Variants in EXOC4 observed in about 807,000 individuals in gnomAD.
The protein encoded by EXOC4 is SEC8-like 1.
In EXOC4, 71 loss-of-function variants were observed where a neutral mutation model predicts 107.2. The ratio of observed to expected loss-of-function variants is 0.66; its 90% CI spans 0.55 to 0.81. The LOEUF (loss-of-function observed/expected upper bound fraction) is 0.81. EXOC4 is among the 30% of genes least tolerant of loss of function. The pLI, the probability that EXOC4 is intolerant of heterozygous loss-of-function variation, is 0.00. For synonymous variants in EXOC4, 456 were observed against 441.2 expected (o/e 1.03, Z -0.42); for missense variants, 1,108 against 1,189.6 (o/e 0.93, Z 1.01).
chr7:134,038,175 A>G (rs1241733614), intron 17 of EXOC4, among the ~76,000 whole-genome samples: 1 of 152,228 alleles, frequency 6.6e-6, no homozygotes, highest in Non-Finnish European at 1.5e-5. Context: ...TATCTGGCAG[A>G]TGGGAACTGT....
chr7:133,949,881 A>ATT (rs11377103), intron 14 of EXOC4, among the ~76,000 whole-genome samples: 20 of 151,626 alleles, frequency 1.3e-4, no homozygotes, highest in Admixed American at 3.3e-4. Flanking sequence ...CGCAAACTTG[A>ATT]TTTTTTTTTA....
At chr7:133,713,249 T>G (rs1018775554) in intron 10 of EXOC4, among the ~76,000 whole-genome samples, 1 of 152,200 alleles carries the variant, frequency 6.6e-6, no homozygotes, top group Non-Finnish European at 1.5e-5. Context: ...TCTCCTCTTC[T>G]ACAGAGTTGC....
At chr7:133,366,818 C>T (rs897643060) in intron 6 of EXOC4, among the ~76,000 whole-genome samples, 4 of 152,160 alleles carry the variant, frequency 2.6e-5, no homozygotes, top group African/African-American at 4.8e-5. Context: ...CTCATACCCA[C>T]AGTGAGCTTA....
At chr7:133,318,478 T>C (rs191368498) in intron 5 of EXOC4, among the ~76,000 whole-genome samples, 1 of 152,300 alleles carries the variant, frequency 6.6e-6, no homozygotes, top group Admixed American at 6.5e-5. Context: ...GCAGGTGCCT[T>C]CTTGTGGCAG....
At chr7:133,458,265 G>T (rs1357302360) in intron 7 of EXOC4, among the ~76,000 whole-genome samples, 2 of 152,206 alleles carry the variant, frequency 1.3e-5, no homozygotes, top group African/African-American at 2.4e-5. Context: ...GACTCTGGGG[G>T]TTGGGATTGT....
chr7:133,966,223 G>T (rs906845131), intron 14 of EXOC4, among the ~76,000 whole-genome samples: 4 of 152,192 alleles, frequency 2.6e-5, no homozygotes, highest in African/African-American at 9.6e-5. Context: ...AGGAAATTCT[G>T]GGCTTGAGAT....
intron 12 of EXOC4, among the ~76,000 whole-genome samples, chr7:133,906,460 A>G (rs1293092409): frequency 6.6e-6 from 1 of 152,202 alleles, no homozygotes; most frequent in Non-Finnish European, 1.5e-5. Flanking sequence ...CTAAAATGCT[A>G]ATTAGGCAAA....
intron 10 of EXOC4, among the ~76,000 whole-genome samples, chr7:133,670,920 G>A (rs1207879890): frequency 6.6e-6 from 1 of 152,178 alleles, no homozygotes; most frequent in Non-Finnish European, 1.5e-5. Context: ...GTTAAGTACT[G>A]TGAAGAAAAA....
chr7:133,674,698 T>G (rs1014875875), intron 10 of EXOC4, among the ~76,000 whole-genome samples: 2 of 152,184 alleles, frequency 1.3e-5, no homozygotes, highest in Non-Finnish European at 2.9e-5. Context: ...TGAATACAGT[T>G]CATCTCTTGT....
chr7:133,649,485 TAACCAGTAAAGA>T (rs1562891251), intron 10 of EXOC4, among the ~76,000 whole-genome samples: 4 of 132,874 alleles, frequency 3.0e-5, no homozygotes, highest in Non-Finnish European at 1.6e-5. Flanking sequence ...TTTTTTTTTT[TAACCAGTAAAGA>T]TTATTTATAA....
chr7:133,764,553 C>T (rs1242682229), intron 10 of EXOC4, among the ~76,000 whole-genome samples: 2 of 151,882 alleles, frequency 1.3e-5, no homozygotes, highest in African/African-American at 2.4e-5. Flanking sequence ...TGGTTTGAGG[C>T]GTTCAGTTCA....
chr7:133,538,877 GA>G (rs1800326740), intron 9 of EXOC4, among the ~76,000 whole-genome samples: 2 of 124,446 alleles, frequency 1.6e-5, no homozygotes, highest in Admixed American at 8.2e-5. Flanking sequence ...GAGAGAGAGA[GA>G]GAGAGGGAGG....
chr7:133,772,039 T>G (rs1796253912), intron 10 of EXOC4, among the ~76,000 whole-genome samples: 1 of 152,018 alleles, frequency 6.6e-6, no homozygotes, highest in South Asian at 2.1e-4. Context: ...CTGTCATTTC[T>G]AATACATTTC....
At chr7:133,443,318 G>C (rs1798145933) in intron 7 of EXOC4, among the ~76,000 whole-genome samples, 1 of 152,142 alleles carries the variant, frequency 6.6e-6, no homozygotes, top group Non-Finnish European at 1.5e-5. Context: ...CAAGGGGAAA[G>C]ATGAACAGTT....
chr7:133,263,566 G>A (rs772825768), intron 1 of EXOC4, among the ~76,000 whole-genome samples: 1 of 151,652 alleles, frequency 6.6e-6, no homozygotes. Flanking sequence ...ATTTTTTGTA[G>A]ACAGGGAGTT....
intron 10 of EXOC4, among the ~76,000 whole-genome samples, chr7:133,755,588 C>T (rs980794664): frequency 1.3e-4 from 20 of 151,538 alleles, no homozygotes; most frequent in Non-Finnish European, 1.9e-4. Context: ...GTGATCCACC[C>T]GCCTCAGCAT....
intron 5 of EXOC4, 138 bp from the exon 6 acceptor site, chr7:133,356,192 C>T: frequency 1.2e-6 from 1 of 852,590 alleles, no homozygotes; most frequent in Non-Finnish European, 1.8e-6. Flanking sequence ...GGTTACTGTG[C>T]AAATATAATT....
intron 17 of EXOC4, 123 bp downstream of exon 17, chr7:134,007,958 A>G: frequency 1.1e-6 from 1 of 901,626 alleles, no homozygotes; most frequent in Admixed American, 3.2e-5. Context: ...AAAGAAGCAC[A>G]GATAGATGTT....
intron 7 of EXOC4, among the ~76,000 whole-genome samples, chr7:133,434,262 A>G (rs1035001955): frequency 2.6e-5 from 4 of 152,096 alleles, no homozygotes; most frequent in South Asian, 2.1e-4. Context: ...TACCCTCAGC[A>G]CTACTTTTAT....
Sources: gnomAD v4.1 joint callset for allele counts (sites outside exome capture counted in the v4.1 genomes callset) on GRCh38, gnomAD v4.1.1 for gene constraint, MANE v1.5 for transcripts, NCBI Gene and HGNC (gene_info 2026-07-23, HGNC 2026-07-21) for gene names.